Variants in LRFN2 observed in about 807,000 individuals in gnomAD.
LRFN2 encodes leucine rich repeat and fibronectin type III domain containing 2, also known as leucine-rich repeat and fibronectin type-III domain-containing protein 2.
In LRFN2, 18 loss-of-function variants were observed where a neutral mutation model predicts 37.3. That is an observed-to-expected ratio of 0.48 (90% CI 0.33 to 0.72). The LOEUF (loss-of-function observed/expected upper bound fraction) is 0.72, where lower values mean the gene tolerates loss of function less well. Among genes scored for constraint, LRFN2 ranks in the 30% least tolerant of loss-of-function variants. LRFN2 has a pLI of 0.02. For missense variants in LRFN2, 1,006 were observed against 1,060.7 expected (o/e 0.95, Z 0.72); for synonymous variants, 556 against 466.6 (o/e 1.19, Z -2.47).
At chr6:40,410,309 C>T (rs1231704619) in intron 2 of LRFN2, among the ~76,000 whole-genome samples, 1 of 152,086 alleles carries the variant, frequency 6.6e-6, no homozygotes, top group Admixed American at 6.5e-5. Context: ...TTCACAAGAA[C>T]ATCACTGGAA....
chr6:40,394,835 C>T (rs2113791615), intron 2 of LRFN2, among the ~76,000 whole-genome samples: 1 of 152,266 alleles, frequency 6.6e-6, no homozygotes, highest in South Asian at 2.1e-4. Context: ...GGGAGTTTCC[C>T]TGCACAAGCT....
chr6:40,438,757 C>T (rs560193987), intron 1 of LRFN2, among the ~76,000 whole-genome samples: 22 of 152,184 alleles, frequency 1.4e-4, no homozygotes, highest in South Asian at 6.2e-4. Flanking sequence ...CTGGCATTCT[C>T]GGAAGTAGAG....
chr6:40,432,642 A>G lies in LRFN2; in HGVS notation c.472T>C (p.Tyr158His). Residue 158 changes from tyrosine to histidine, a missense_variant, in exon 2 of 3, where the codon TAC becomes CAC. This residue lies in a region of LRFN2 where 185 missense variants were observed against 254.9 expected (regional missense o/e 0.73). Coordinates refer to ENST00000338305, the MANE Select transcript of LRFN2 (RefSeq NM_020737.3). ...LLTLEDLDLS[Y>H]NNLHGLPWDS... is the part of the protein sequence containing the mutation. ...CACGGCAGGCCATGGAGGTTGTTGT[A>G]GGAGAGGTCCAGATCCTCCAATGTC... 1.9e-6 allele frequency: 3 copies of G among 1,614,172 alleles called. No homozygotes were observed. The highest frequency in any genetic ancestry group is 2.2e-5 in the South Asian group (2 of 91,086).
At chr6:40,423,899 G>A (rs1256669848) in intron 2 of LRFN2, among the ~76,000 whole-genome samples, 1 of 152,210 alleles carries the variant, frequency 6.6e-6, no homozygotes, top group Non-Finnish European at 1.5e-5. Context: ...CAGAAAGACA[G>A]AAGGAACTGG....
chr6:40,433,909 T>C (rs1763577953), intron 1 of LRFN2, among the ~76,000 whole-genome samples: 1 of 152,118 alleles, frequency 6.6e-6, no homozygotes, highest in African/African-American at 2.4e-5. Context: ...AGGAATCCCC[T>C]TCAGAAGGAA....
At chr6:40,460,728 C>G (rs1165763046) in intron 1 of LRFN2, among the ~76,000 whole-genome samples, 1 of 152,040 alleles carries the variant, frequency 6.6e-6, no homozygotes, top group African/African-American at 2.4e-5. Flanking sequence ...CCAGAAAGCC[C>G]CCTCCATAGC....
intron 1 of LRFN2, among the ~76,000 whole-genome samples, chr6:40,554,262 G>A (rs1485225778): frequency 1.3e-5 from 2 of 152,170 alleles, no homozygotes; most frequent in Non-Finnish European, 2.9e-5. Context: ...TTTCATTTAT[G>A]AGACCACCTC....
chr6:40,402,593 CTTA>C (rs1307119806), intron 2 of LRFN2, among the ~76,000 whole-genome samples: 1 of 152,158 alleles, frequency 6.6e-6, no homozygotes, highest in African/African-American at 2.4e-5. Flanking sequence ...AGGTACTAGT[CTTA>C]TTATCATTAT....
chr6:40,527,371 T>C (rs1485471847), intron 1 of LRFN2, among the ~76,000 whole-genome samples: 1 of 152,238 alleles, frequency 6.6e-6, no homozygotes, highest in Non-Finnish European at 1.5e-5. Context: ...TGGTAGATTT[T>C]ATTTTATTCA....
chr6:40,553,227 T>A (rs925490011), intron 1 of LRFN2, among the ~76,000 whole-genome samples: 2 of 152,234 alleles, frequency 1.3e-5, no homozygotes, highest in African/African-American at 4.8e-5. Context: ...CACCTGACTC[T>A]TTAAGGAAAC....
intron 1 of LRFN2, among the ~76,000 whole-genome samples, chr6:40,543,152 A>T (rs1270483957): frequency 1.3e-5 from 2 of 152,238 alleles, no homozygotes; most frequent in Non-Finnish European, 2.9e-5. Context: ...CATCGCAAAG[A>T]CCACAAGTGT....
intron 1 of LRFN2, among the ~76,000 whole-genome samples, chr6:40,446,925 T>C (rs7773237): frequency 3.2e-4 from 6 of 18,716 alleles, no homozygotes; most frequent in African/African-American, 6.2e-4. Context: ...GACTGGGGCT[T>C]CCTGAGGATG....
At chr6:40,427,922 T>C (rs1763391909) in intron 2 of LRFN2, among the ~76,000 whole-genome samples, 1 of 152,218 alleles carries the variant, frequency 6.6e-6, no homozygotes, top group African/African-American at 2.4e-5. Flanking sequence ...TGCAGGCCTG[T>C]TGGGCTTTGG....
intron 1 of LRFN2, among the ~76,000 whole-genome samples, chr6:40,564,414 C>G (rs182005425): frequency 6.6e-6 from 1 of 152,140 alleles, no homozygotes; most frequent in Non-Finnish European, 1.5e-5. Context: ...AGTTTACAAT[C>G]GAACCATCTA....
At chr6:40,400,284 T>C (rs533386620) in intron 2 of LRFN2, among the ~76,000 whole-genome samples, 1 of 151,954 alleles carries the variant, frequency 6.6e-6, no homozygotes, top group East Asian at 1.9e-4. Flanking sequence ...GGTTAGGCAG[T>C]GAGTGCAAGA....
Position 40,532,353 on chromosome 6 carries a change from CT to C in LRFN2, c.-19+54587del, listed in dbSNP as rs201087205. On this transcript the variant is annotated intron_variant, in intron 1 of 2. Transcript: ENST00000338305. ...CACCCATATAGTAATCACATGCCCC[CT>C]AATAGCTATTTGTTTTATATTTGTT... 2.9e-4 allele frequency among the ~76,000 whole-genome samples: 44 copies of C among 152,306 alleles called. 1 individual carries two copies. In the East Asian group the frequency reaches 8.3e-3, roughly 29 times the overall value.
intron 1 of LRFN2, among the ~76,000 whole-genome samples, chr6:40,522,397 C>G (rs1766104402): frequency 6.6e-6 from 1 of 152,138 alleles, no homozygotes; most frequent in South Asian, 2.1e-4. Flanking sequence ...AGAGCCCCAG[C>G]CCACTACCCA....
intron 1 of LRFN2, among the ~76,000 whole-genome samples, chr6:40,548,753 C>T (rs561066311): frequency 6.6e-6 from 1 of 152,334 alleles, no homozygotes; most frequent in East Asian, 1.9e-4. Flanking sequence ...AATGTATTCT[C>T]TCTCCCTTTA....
rs552717578 is a variant in LRFN2 at position 40,497,635 on chromosome 6, G to A, written c.-18-64504C>T. Among the ~76,000 whole-genome samples the A allele has an allele frequency of 1.3e-4, 20 of 152,258 alleles. 1 individual carries two copies. In the South Asian group the frequency reaches 2.3e-3, roughly 17 times the overall value. ...ATGTACTTACAATAGGAAAGGGCTC[G>A]GAAGGGTAGAGCTGAGTGCCTGACA... On this transcript the variant is annotated intron_variant, in intron 1 of 2. Coordinates refer to ENST00000338305, the MANE Select transcript of LRFN2 (RefSeq NM_020737.3).
Sources: gnomAD v4.1 joint callset for allele counts (sites outside exome capture counted in the v4.1 genomes callset) on GRCh38, gnomAD v4.1.1 for gene constraint, gnomAD v4.1.1 regional missense constraint, MANE v1.5 for transcripts, NCBI Gene and HGNC (gene_info 2026-07-23, HGNC 2026-07-21) for gene names.